SCEL: variants seen among roughly 807,000 people sequenced by gnomAD.
SCEL encodes sciellin.
Under a neutral mutation model 117.6 loss-of-function variants are expected in SCEL, and 113 were observed. The ratio of observed to expected loss-of-function variants is 0.96; its 90% CI spans 0.83 to 1.12. The LOEUF is 1.12. SCEL is among the 50% of genes most tolerant of loss of function. The pLI is 0.00. For missense variants in SCEL, 785 were observed against 810.8 expected, an observed-to-expected ratio of 0.97 and a Z score of 0.39; for synonymous variants, 270 against 256.2, an observed-to-expected ratio of 1.05 and a Z score of -0.51.
chr13:77,582,665 T>G (rs916265740), intron 9 of SCEL, among the ~76,000 whole-genome samples: 1 of 152,254 alleles, frequency 6.6e-6, no homozygotes, highest in Non-Finnish European at 1.5e-5. Context: ...TTCCAGTGTG[T>G]GGCTTGTTTT....
intron 20 of SCEL, 120 bp from the exon 21 acceptor site, chr13:77,608,938 C>T: frequency 1.3e-6 from 1 of 771,448 alleles, no homozygotes; most frequent in South Asian, 1.9e-5. Flanking sequence ...AGACTGGTAT[C>T]AATTTATCTC....
At chr13:77,562,816 TC>T (rs2085060196) in intron 4 of SCEL, among the ~76,000 whole-genome samples, 1 of 152,236 alleles carries the variant, frequency 6.6e-6, no homozygotes. Flanking sequence ...ATTGAGTACA[TC>T]CAAATAGTTG....
intron 31 of SCEL, among the ~76,000 whole-genome samples, chr13:77,642,131 G>T (rs766982523): frequency 6.6e-6 from 1 of 151,686 alleles, no homozygotes; most frequent in African/African-American, 2.4e-5. Flanking sequence ...ATATTACCGA[G>T]AATAAAAACA....
chr13:77,569,089 C>T (rs934688195), intron 7 of SCEL, among the ~76,000 whole-genome samples: 7 of 152,196 alleles, frequency 4.6e-5, no homozygotes, highest in African/African-American at 1.7e-4. Flanking sequence ...GAATCTGTAG[C>T]ACGCCAGAAT....
intron 4 of SCEL, among the ~76,000 whole-genome samples, 154 bp downstream of exon 4, chr13:77,560,017 T>G (rs545950417): frequency 3.4e-4 from 52 of 151,554 alleles, no homozygotes; most frequent in Non-Finnish European, 6.6e-4. Context: ...TCATCAGAGG[T>G]TTCCACAAGG....
At chr13:77,572,475 G>C (rs752929772) in intron 9 of SCEL, among the ~76,000 whole-genome samples, 1 of 152,188 alleles carries the variant, frequency 6.6e-6, no homozygotes, top group Non-Finnish European at 1.5e-5. Context: ...AGACTGCCAC[G>C]AAGTGCCACT....
At chr13:77,632,870 A>G (rs2090088045) in intron 28 of SCEL, among the ~76,000 whole-genome samples, 1 of 152,218 alleles carries the variant, frequency 6.6e-6, no homozygotes, top group Non-Finnish European at 1.5e-5. Context: ...TAAAACCAAA[A>G]TGAAGACTGG....
chr13:77,609,991 C>A, intron 21 of SCEL, 56 bp from the exon 22 acceptor site: 1 of 1,093,076 alleles, frequency 9.1e-7, no homozygotes, highest in Non-Finnish European at 1.3e-6. Context: ...TTTTAACAAA[C>A]ACTTGAAACC....
intron 27 of SCEL, among the ~76,000 whole-genome samples, chr13:77,622,072 T>TC (rs775658729): frequency 3.3e-5 from 5 of 152,368 alleles, no homozygotes; most frequent in Non-Finnish European, 7.3e-5. Flanking sequence ...TTATACCACT[T>TC]CTTTCACTGT....
chr13:77,561,528 A>G (rs572662438), intron 4 of SCEL, among the ~76,000 whole-genome samples: 22 of 152,310 alleles, frequency 1.4e-4, no homozygotes, highest in South Asian at 4.1e-4. Context: ...AGAGGGTATC[A>G]CTTGTCATTT....
chr13:77,625,065 G>A (rs986714388), intron 27 of SCEL, among the ~76,000 whole-genome samples: 16 of 152,134 alleles, frequency 1.1e-4, no homozygotes, highest in Non-Finnish European at 2.2e-4. Context: ...ATTAGCACTG[G>A]AAGGGGAATC....
At chr13:77,541,330 A>G (rs1011222215) in intron 1 of SCEL, among the ~76,000 whole-genome samples, 1 of 152,214 alleles carries the variant, frequency 6.6e-6, no homozygotes. Context: ...AGATTAATGA[A>G]TGATAATTCT....
chr13:77,543,996 A>G (rs978743259), intron 1 of SCEL, among the ~76,000 whole-genome samples: 8 of 151,996 alleles, frequency 5.3e-5, no homozygotes, highest in African/African-American at 1.9e-4. Flanking sequence ...CACATTTCCA[A>G]CTCCTGCCCT....
At chr13:77,604,474 T>A in intron 19 of SCEL, 59 bp downstream of exon 19, 1 of 1,369,656 alleles carries the variant, frequency 7.3e-7, no homozygotes, top group Non-Finnish European at 9.9e-7. Flanking sequence ...ACGTTAGAAT[T>A]CTGAGTGTTG....
intron 30 of SCEL, among the ~76,000 whole-genome samples, chr13:77,639,042 A>G (rs1251921151): frequency 6.6e-6 from 1 of 152,000 alleles, no homozygotes; most frequent in Non-Finnish European, 1.5e-5. Context: ...CTGCATTTCA[A>G]CCCAAGCCCT....
In SCEL at chr13:77,642,856, G is replaced by A. The variant is rs747293104; in HGVS notation, c.2050+48G>A. 6.3e-6 allele frequency: 6 copies of A among 953,274 alleles called. No individual in the cohort carries two copies. The African/African-American group carries it at 6.6e-5, about 11-fold the overall frequency. The allele number at this position is 953,274 out of a possible 1,614,324, so 59.1% of individuals were successfully genotyped here. A position where few individuals can be genotyped will look rare whatever the true frequency, so the allele number is the denominator to read the frequency against. On this transcript the variant is annotated intron_variant, in intron 32 of 32. Transcript: ENST00000349847. ...TTAACACTTTGGTTAACCTTAATGA[G>A]CATTTGGTATCATTTAAAATGATGT...
chr13:77,592,063 A>G (rs147228409), intron 11 of SCEL, among the ~76,000 whole-genome samples: 1,541 of 152,268 alleles, frequency 0.01, 93 homozygotes, highest in East Asian at 0.01. Flanking sequence ...AATAGTTTTT[A>G]AACAGTGCAA....
At chr13:77,591,015 G>A (rs565962632) in intron 10 of SCEL, among the ~76,000 whole-genome samples, 5 of 152,034 alleles carry the variant, frequency 3.3e-5, no homozygotes, top group African/African-American at 7.2e-5. Context: ...GTATTCAAAT[G>A]GGATAATTCT....
At chr13:77,598,090 T>C (rs2087366817) in intron 13 of SCEL, among the ~76,000 whole-genome samples, 2 of 152,190 alleles carry the variant, frequency 1.3e-5, no homozygotes, top group Non-Finnish European at 2.9e-5. Flanking sequence ...GCCTCCCAAG[T>C]AGCTGGGACT....
Sources: gnomAD v4.1 joint callset for allele counts (sites outside exome capture counted in the v4.1 genomes callset) on GRCh38, gnomAD v4.1.1 for gene constraint, MANE v1.5 for transcripts, NCBI Gene and HGNC (gene_info 2026-07-23, HGNC 2026-07-21) for gene names.